STRADA: variants seen among roughly 807,000 people sequenced by gnomAD.
STRADA encodes STE20-related kinase adapter protein alpha.
Under a neutral mutation model 55.0 loss-of-function variants are expected in STRADA, and 26 were observed. The observed-to-expected ratio is 0.47, with a 90% CI of 0.35 to 0.66. STRADA has a LOEUF of 0.66. Among genes scored for constraint, STRADA ranks in the 30% least tolerant of loss-of-function variants. The pLI is 0.01. For synonymous variants in STRADA, 197 were observed against 210.9 expected (o/e 0.93, Z 0.57); for missense variants, 443 against 549.7 (o/e 0.81, Z 1.94).
At position 63,705,085 on chromosome 17, in the gene STRADA, A is replaced by G. The variant is rs1050002989; in HGVS notation, c.859-503T>C. On this transcript the variant is annotated intron_variant, in intron 10 of 12. Coordinates refer to ENST00000336174, the MANE Select transcript of STRADA (RefSeq NM_001003787.4). Reference sequence around the variant, plus strand: ...GGAGGCCAGGCTGGGTGGCTGTTCCAAAGTACCCCAACTCAACACATATAA... The same window carrying G: ...GGAGGCCAGGCTGGGTGGCTGTTCCGAAGTACCCCAACTCAACACATATAA... 13 of 662,014 alleles carry G rather than the reference A, an allele frequency of 2.0e-5. No homozygotes were observed. In the African/African-American group the frequency reaches 2.3e-4, roughly 12 times the overall value. The allele number at this position is 662,014 out of a possible 1,614,324, so 41.0% of individuals were successfully genotyped here.
rs371355299 is a variant in STRADA, at chr17:63,713,550, T to C, written c.227-23A>G. The C allele has an allele frequency of 8.4e-5, 135 of 1,609,592 alleles. No homozygotes were observed. The African/African-American group carries it at 1.7e-3, about 20-fold the overall frequency. On this transcript the variant is annotated intron_variant, in intron 5 of 12. Transcript: ENST00000336174. The stretch of plus-strand genomic sequence containing the variant: ...TGCCTAAAAGAAAAAGGGAATGCCA[T>C]ACGCAAGGACAAGAACAACAAAAGG...
chr17:63,730,626 G>C (rs1359356802), intron 1 of STRADA, among the ~76,000 whole-genome samples: 1 of 151,540 alleles, frequency 6.6e-6, no homozygotes, highest in African/African-American at 2.4e-5. Flanking sequence ...GCGCGATCCT[G>C]GCTCACTGCA....
In STRADA at chr17:63,728,410, A is replaced by C; in HGVS notation, c.-41T>G. ...AGGCCTACTTCAGTTTCAAAAACTT[A>C]AACCTAAAAGGAAAATAGAAACAGG... On this transcript the variant is annotated 5_prime_UTR_variant, in exon 2 of 13. Coordinates refer to ENST00000336174, the MANE Select transcript of STRADA (RefSeq NM_001003787.4). 1 of 1,565,800 alleles carries C rather than the reference A, an allele frequency of 6.4e-7. No individual in the cohort carries two copies. Among genetic ancestry groups the C allele is most frequent in the Non-Finnish European group, 8.7e-7 (1 of 1,153,138 alleles).
intron 4 of STRADA, 53 bp from the exon 5 acceptor site, chr17:63,714,161 G>T: frequency 2.2e-6 from 3 of 1,368,376 alleles, no homozygotes; most frequent in Admixed American, 1.7e-5. Context: ...GGTGGGATGG[G>T]AGTGGGGTGA....
At chr17:63,734,502 G>A (rs2038281055) in intron 1 of STRADA, among the ~76,000 whole-genome samples, 1 of 152,018 alleles carries the variant, frequency 6.6e-6, no homozygotes, top group Admixed American at 6.6e-5. Context: ...AAATTAGCCG[G>A]GCATGGTGGC....
At position 63,703,456 on chromosome 17, in the gene STRADA, A is replaced by C. The variant is rs2035850887; in HGVS notation, c.*143T>G. On this transcript the variant is annotated 3_prime_UTR_variant, in exon 13 of 13. Transcript: ENST00000336174. ...GTGTCTCTCCAGGATTTTCTTTCCC[A>C]ATCAGTCAGCAGTCAACTTTCCTGG... 3.9e-6 allele frequency: 3 copies of C among 776,846 alleles called. No homozygotes were observed. Among genetic ancestry groups the C allele is most frequent in the Non-Finnish European group, 4.1e-6 (2 of 490,750 alleles). The allele number at this position is 776,846 out of a possible 1,614,324, so 48.1% of individuals were successfully genotyped here.
In STRADA at chr17:63,710,526, G is replaced by A; in HGVS notation, c.546C>T (p.Ala182=). 1 of 1,613,874 alleles carries A rather than the reference G, an allele frequency of 6.2e-7. No homozygotes were observed. Among genetic ancestry groups the A allele is most frequent in the Non-Finnish European group, 8.5e-7 (1 of 1,179,862 alleles). Residue 182 remains alanine (A), a synonymous_variant, in exon 8 of 13, where the codon GCC becomes GCT. Coordinates refer to ENST00000336174, the MANE Select transcript of STRADA (RefSeq NM_001003787.4). ...ATCCCATGTGGTGGATGTAGTCGAG[G>A]GCCTTCAGCACCCCCTGCAGGATGT... is the stretch of plus-strand genomic sequence containing the variant. ...IAYILQGVLK[A]LDYIHHMGYV...
chr17:63,717,765 C>T (rs1730767334), intron 4 of STRADA, among the ~76,000 whole-genome samples: 1 of 152,078 alleles, frequency 6.6e-6, no homozygotes. Context: ...GTGTGAGCCA[C>T]CATGCCCAGC....
intron 10 of STRADA, 43 bp from the exon 11 acceptor site, chr17:63,704,625 G>A (rs373789742): frequency 1.1e-5 from 11 of 990,876 alleles, no homozygotes; most frequent in South Asian, 6.1e-5. Context: ...GCGGGTGGGG[G>A]GGGGGGGTGG....
rs369063763 is a variant in STRADA, at chr17:63,706,616, C to G, written c.858+19G>C. On this transcript the variant is annotated intron_variant, in intron 10 of 12. Transcript: ENST00000336174. Reference sequence around the variant, plus strand: ...GAAGGCAAGCAGGCAAGAAGGAAACCGATGGGCGGCAGGCTTACCTGGGTG... The same window carrying G: ...GAAGGCAAGCAGGCAAGAAGGAAACGGATGGGCGGCAGGCTTACCTGGGTG... The G allele has an allele frequency of 5.0e-6, 8 of 1,597,618 alleles. No homozygotes were observed. The highest frequency in any genetic ancestry group is 6.9e-6 in the Non-Finnish European group (8 of 1,167,486).
At chr17:63,728,162 G>C (rs1018308281) in intron 2 of STRADA, 172 bp downstream of exon 2, 1 of 563,426 alleles carries the variant, frequency 1.8e-6, no homozygotes, top group African/African-American at 1.9e-5. Flanking sequence ...GTCAGCCTCT[G>C]TCTGCAAACT....
intron 1 of STRADA, among the ~76,000 whole-genome samples, chr17:63,734,174 T>TA (rs2038259162): frequency 6.6e-6 from 1 of 152,252 alleles, no homozygotes; most frequent in Non-Finnish European, 1.5e-5. Flanking sequence ...GCCTAGGTCT[T>TA]ACTCTATTTG....
At chr17:63,734,211 C>T (rs2038260890) in intron 1 of STRADA, among the ~76,000 whole-genome samples, 1 of 152,194 alleles carries the variant, frequency 6.6e-6, no homozygotes, top group Non-Finnish European at 1.5e-5. Flanking sequence ...TTTTACTGAA[C>T]TGTACTTGAA....
At chr17:63,711,554 T>C (rs1317073218) in intron 6 of STRADA, among the ~76,000 whole-genome samples, 2 of 151,914 alleles carry the variant, frequency 1.3e-5, no homozygotes, top group Non-Finnish European at 2.9e-5. Flanking sequence ...GGTTTTGCCA[T>C]GTTGCCTAGG....
At chr17:63,706,890 T>C in intron 9 of STRADA, 151 bp from the exon 10 acceptor site, 1 of 649,776 alleles carries the variant, frequency 1.5e-6, no homozygotes, top group Non-Finnish European at 2.7e-6. Flanking sequence ...GACTAACTGG[T>C]ATTTTACCAC....
At chr17:63,725,534 T>C (rs1166640133) in intron 3 of STRADA, among the ~76,000 whole-genome samples, 1 of 151,852 alleles carries the variant, frequency 6.6e-6, no homozygotes, top group Non-Finnish European at 1.5e-5. Context: ...GTATTTTTAG[T>C]AGAGATGTGG....
intron 10 of STRADA, chr17:63,705,577 C>T (rs1399619583): frequency 6.5e-6 from 1 of 154,698 alleles, no homozygotes; most frequent in Non-Finnish European, 1.4e-5. Flanking sequence ...TGCTGTCACT[C>T]CTGTGCTTAG....
At position 63,714,505 on chromosome 17, in the gene STRADA, G is replaced by C. The variant is rs568818975; in HGVS notation, c.124-397C>G. The C allele has an allele frequency of 1.7e-5, 5 of 286,386 alleles. No individual in the cohort carries two copies. The East Asian group carries it at 4.5e-4, about 26-fold the overall frequency. The allele number at this position is 286,386 out of a possible 1,614,324, so 17.7% of individuals were successfully genotyped here. A position where few individuals can be genotyped will look rare whatever the true frequency, so the allele number is the denominator to read the frequency against. On this transcript the variant is annotated intron_variant, in intron 4 of 12. Transcript: ENST00000336174. Reference sequence around the variant, plus strand: ...TCTCATGAATTTCCTGATGCATTAGGATCCTATTTTTAAGGTCCTCACCAC... The same window carrying C: ...TCTCATGAATTTCCTGATGCATTAGCATCCTATTTTTAAGGTCCTCACCAC...
At chr17:63,715,966 A>G (rs1175923853) in intron 4 of STRADA, among the ~76,000 whole-genome samples, 1 of 152,166 alleles carries the variant, frequency 6.6e-6, no homozygotes, top group East Asian at 1.9e-4. Context: ...TATCCTGACT[A>G]AAGCTTGTAA....
Sources: allele counts gnomAD v4.1 joint callset (sites outside exome capture counted in the v4.1 genomes callset), GRCh38; gene constraint gnomAD v4.1.1; transcripts MANE v1.5; gene names NCBI Gene and HGNC (gene_info 2026-07-23, HGNC 2026-07-21).